CEPT1: variants seen among roughly 807,000 people sequenced by gnomAD.
CEPT1 encodes choline/ethanolaminephosphotransferase 1.
Under a neutral mutation model 42.6 loss-of-function variants are expected in CEPT1, and 7 were observed. That is an observed-to-expected ratio of 0.16 (90% CI 0.09 to 0.31). The LOEUF is 0.31. Ranked by LOEUF, CEPT1 falls within the 10% of genes least tolerant of loss-of-function variation. The pLI is 1.00. For synonymous variants in CEPT1, 171 were observed against 171.9 expected, an observed-to-expected ratio of 0.99 and a Z score of 0.04; for missense variants, 306 against 502.1, an observed-to-expected ratio of 0.61 and a Z score of 3.73.
chr1:111,182,163 G>T (rs1657025224), intron 5 of CEPT1, 24 bp from the exon 6 acceptor site: 3 of 1,540,544 alleles, frequency 1.9e-6, no homozygotes, highest in Non-Finnish European at 2.6e-6. Flanking sequence ...TGTTTTAATT[G>T]TTTTCTCTCT....
intron 5 of CEPT1, among the ~76,000 whole-genome samples, chr1:111,177,162 C>T (rs1324366415): frequency 2.6e-5 from 4 of 152,174 alleles, no homozygotes; most frequent in Non-Finnish European, 5.9e-5. Context: ...GGCCCCATGT[C>T]GGGCATTGGG....
At chr1:111,161,676 T>C (rs1655884283) in intron 4 of CEPT1, among the ~76,000 whole-genome samples, 1 of 152,206 alleles carries the variant, frequency 6.6e-6, no homozygotes, top group Admixed American at 6.5e-5. Flanking sequence ...AGCGCCCTAA[T>C]CCAATATTAA....
At chr1:111,167,591 A>G (rs776175395) in intron 4 of CEPT1, 3 of 972,240 alleles carry the variant, frequency 3.1e-6, no homozygotes, top group Non-Finnish European at 3.7e-6. Flanking sequence ...TTCTATATTA[A>G]TGTAGGAAAG....
At chr1:111,180,096 A>C (rs1300364994) in intron 5 of CEPT1, 1 of 152,148 alleles carries the variant, frequency 6.6e-6, no homozygotes, top group African/African-American at 2.4e-5. Context: ...AATTTCACCA[A>C]ATTTTAAATA....
At chr1:111,153,657 A>T (rs1655404296) in intron 2 of CEPT1, among the ~76,000 whole-genome samples, 1 of 152,172 alleles carries the variant, frequency 6.6e-6, no homozygotes, top group African/African-American at 2.4e-5. Context: ...ATAGTGAGAG[A>T]TAGGGGTCTA....
chr1:111,151,392 G>A (rs557249642), intron 2 of CEPT1, among the ~76,000 whole-genome samples: 1 of 152,310 alleles, frequency 6.6e-6, no homozygotes, highest in African/African-American at 2.4e-5. Context: ...AGAGTGCTGG[G>A]ATTACAGGCG....
intron 2 of CEPT1, among the ~76,000 whole-genome samples, chr1:111,151,651 T>C (rs752697963): frequency 1.3e-5 from 2 of 152,220 alleles, no homozygotes; most frequent in African/African-American, 2.4e-5. Flanking sequence ...TGAAGTCTTA[T>C]AGTGGCTGTC....
At chr1:111,160,075 T>G (rs1324498098) in intron 3 of CEPT1, 1 of 152,240 alleles carries the variant, frequency 6.6e-6, no homozygotes, top group African/African-American at 2.4e-5. Flanking sequence ...GTTAATTTGC[T>G]TAACTATAGT....
At chr1:111,160,326 T>C (rs1327907588) in intron 3 of CEPT1, 1 of 152,234 alleles carries the variant, frequency 6.6e-6, no homozygotes, top group Non-Finnish European at 1.5e-5. Flanking sequence ...TCCCCTCTTT[T>C]ATTTTTGTTT....
intron 1 of CEPT1, among the ~76,000 whole-genome samples, chr1:111,143,210 A>G (rs779118661): frequency 6.6e-5 from 10 of 152,184 alleles, no homozygotes; most frequent in Non-Finnish European, 1.3e-4. Flanking sequence ...ATCCATGGTG[A>G]TCTCTCTCGT....
chr1:111,163,834 A>C (rs1349731628), intron 4 of CEPT1, among the ~76,000 whole-genome samples: 1 of 152,196 alleles, frequency 6.6e-6, no homozygotes. Flanking sequence ...TCTGAAATGT[A>C]GTTTGAGTAA....
At chr1:111,157,533 C>T (rs551143489) in intron 2 of CEPT1, among the ~76,000 whole-genome samples, 8 of 152,170 alleles carry the variant, frequency 5.3e-5, no homozygotes, top group African/African-American at 1.2e-4. Flanking sequence ...TGCAAGATAG[C>T]GCAGCTCTAG....
At chr1:111,173,831 C>T (rs964620573) in intron 4 of CEPT1, among the ~76,000 whole-genome samples, 1 of 152,134 alleles carries the variant, frequency 6.6e-6, no homozygotes, top group African/African-American at 2.4e-5. Flanking sequence ...CTTATTTTCA[C>T]TTACTATATC....
At chr1:111,173,595 A>G (rs1656527529) in intron 4 of CEPT1, among the ~76,000 whole-genome samples, 1 of 152,130 alleles carries the variant, frequency 6.6e-6, no homozygotes, top group East Asian at 1.9e-4. Context: ...TAAATTATTC[A>G]CTTTGTTGAA....
Position 111,161,304 on chromosome 1 carries a change from A to G in CEPT1, c.629+8A>G. 2.5e-6 allele frequency: 4 copies of G among 1,596,186 alleles called. No individual in the cohort carries two copies. Among genetic ancestry groups the G allele is most frequent in the African/African-American group, 2.7e-5 (2 of 73,948 alleles). On this transcript the variant is annotated splice_region_variant and intron_variant, in intron 4 of 8. Transcript: ENST00000357172. Reference sequence around the variant, plus strand: ...AACATTGCGATTTGGAATGTAAGTAATACTTAATGGTAATTTTTGTTTTCT... The same window carrying G: ...AACATTGCGATTTGGAATGTAAGTAGTACTTAATGGTAATTTTTGTTTTCT...
chr1:111,183,616 G>A lies in CEPT1; in HGVS notation c.1131+29G>A, dbSNP rs759184836. 4 of 1,584,830 alleles carry A rather than the reference G, an allele frequency of 2.5e-6. No homozygotes were observed. In the South Asian group the frequency reaches 3.4e-5, roughly 13 times the overall value. On this transcript the variant is annotated intron_variant, in intron 8 of 8. Coordinates refer to ENST00000357172, the MANE Select transcript of CEPT1 (RefSeq NM_006090.5). ...AGTATTGTACTAAGTCTTATTTCATGGTTTGAGGGTTTGAAGGTTGCTTGT... is the reference window on the plus strand; with the variant it reads ...AGTATTGTACTAAGTCTTATTTCATAGTTTGAGGGTTTGAAGGTTGCTTGT...
chr1:111,151,185 C>T lies in CEPT1; in HGVS notation c.339+3132C>T, dbSNP rs565896593. ...CTGTTGCCAGGCTGGAGTGCAGTGG[C>T]GCAGTCTCGGTTCACTGCAACCTCC... On this transcript the variant is annotated intron_variant, in intron 2 of 8. Transcript: ENST00000357172. Among the ~76,000 whole-genome samples the T allele has an allele frequency of 1.0e-3, 153 of 146,764 alleles. 1 individual carries two copies. The highest frequency in any genetic ancestry group is 1.1e-3 in the Non-Finnish European group (74 of 67,362).
intron 4 of CEPT1, among the ~76,000 whole-genome samples, chr1:111,166,938 A>G (rs1656173243): frequency 6.6e-6 from 1 of 152,178 alleles, no homozygotes; most frequent in Non-Finnish European, 1.5e-5. Flanking sequence ...CTATGTATGT[A>G]TGTATAAGGA....
chr1:111,148,261 CTTAAA>C (rs1387614180), intron 2 of CEPT1, among the ~76,000 whole-genome samples: 1 of 151,614 alleles, frequency 6.6e-6, no homozygotes, highest in African/African-American at 2.4e-5. Context: ...GATCCTAGTG[CTTAAA>C]TTAATGTTAG....
Sources: allele counts gnomAD v4.1 joint callset (sites outside exome capture counted in the v4.1 genomes callset), GRCh38; gene constraint gnomAD v4.1.1; transcripts MANE v1.5; gene names NCBI Gene and HGNC (gene_info 2026-07-23, HGNC 2026-07-21).